The following HIP1 variants were observed in gnomAD, a reference collection of about 807,000 sequenced individuals.
HIP1 encodes huntingtin-interacting protein 1.
A neutral mutation model predicts 147.6 loss-of-function variants in HIP1; 65 were observed. The ratio of observed to expected loss-of-function variants is 0.44; its 90% CI spans 0.36 to 0.54. HIP1 has a LOEUF of 0.54. Among genes scored for constraint, HIP1 ranks in the 20% least tolerant of loss-of-function variants. The pLI, the probability that HIP1 is intolerant of heterozygous loss-of-function variation, is 0.00. For synonymous variants in HIP1, 479 were observed against 504.0 expected (o/e 0.95, Z 0.67); for missense variants, 1,061 against 1,299.6 (o/e 0.82, Z 2.82).
At chr7:75,657,854 C>T (rs548830275) in intron 1 of HIP1, among the ~76,000 whole-genome samples, 14 of 151,988 alleles carry the variant, frequency 9.2e-5, no homozygotes, top group South Asian at 8.3e-4. Flanking sequence ...TATATCCATG[C>T]GACAAACCTG....
chr7:75,706,075 A>T (rs1484595938), intron 1 of HIP1, among the ~76,000 whole-genome samples: 1 of 151,910 alleles, frequency 6.6e-6, no homozygotes, highest in Non-Finnish European at 1.5e-5. Flanking sequence ...TTGTATTTTT[A>T]GTAGAGATGG....
intron 6 of HIP1, 68 bp from the exon 7 acceptor site, chr7:75,581,366 C>T: frequency 1.8e-6 from 2 of 1,131,174 alleles, no homozygotes; most frequent in Non-Finnish European, 2.7e-6. Context: ...GTCCCCTCCC[C>T]CACGCTCTAC....
At chr7:75,565,355 G>C (rs1795365328) in intron 9 of HIP1, among the ~76,000 whole-genome samples, 1 of 152,192 alleles carries the variant, frequency 6.6e-6, no homozygotes, top group South Asian at 2.1e-4. Context: ...TGCTGGTTTG[G>C]AGCCAACAGT....
rs983015279 is a variant in HIP1, at chr7:75,638,958, A to G, written c.121-39711T>C. 12 of 434,708 alleles carry G rather than the reference A, an allele frequency of 2.8e-5. No individual in the cohort carries two copies. In the Admixed American group the frequency reaches 5.3e-4, roughly 19 times the overall value. The allele number at this position is 434,708 out of a possible 1,614,324, so 26.9% of individuals were successfully genotyped here. A position where few individuals can be genotyped will look rare whatever the true frequency, so the allele number is the denominator to read the frequency against. The stretch of plus-strand genomic sequence containing the variant: ...AGGATCAACAATCCAGAAACTTTCA[A>G]TGGATCGCGCCGGCTAGGAGGGGGA... On this transcript the variant is annotated intron_variant, in intron 1 of 30. Coordinates refer to ENST00000336926, the MANE Select transcript of HIP1 (RefSeq NM_005338.7).
At chr7:75,581,385 A>T in intron 6 of HIP1, 87 bp from the exon 7 acceptor site, 2 of 921,776 alleles carry the variant, frequency 2.2e-6, no homozygotes, top group South Asian at 1.4e-5. Context: ...ACGCTACTCC[A>T]GTCTCCAATG....
At chr7:75,588,074 G>A (rs56071227) in intron 4 of HIP1, among the ~76,000 whole-genome samples, 19,779 of 152,236 alleles carry the variant, frequency 0.13, 1,603 homozygotes, top group Middle Eastern at 0.24. Flanking sequence ...CACTGAGGAA[G>A]TCCTCCCTAA....
intron 1 of HIP1, among the ~76,000 whole-genome samples, chr7:75,713,557 G>A (rs1801221296): frequency 6.6e-6 from 1 of 152,138 alleles, no homozygotes; most frequent in Admixed American, 6.6e-5. Context: ...TGCAACGCGG[G>A]CTATTCCAGC....
intron 1 of HIP1, among the ~76,000 whole-genome samples, chr7:75,713,104 G>A (rs1054429489): frequency 2.0e-5 from 3 of 152,226 alleles, no homozygotes; most frequent in African/African-American, 7.2e-5. Context: ...ACACAAACCA[G>A]GGCCATCCCT....
In HIP1 at chr7:75,554,429, G is replaced by A. The variant is rs1554492770; in HGVS notation, c.2050+11C>T. 1 of 1,607,542 alleles carries A rather than the reference G, an allele frequency of 6.2e-7. No individual in the cohort carries two copies. Among genetic ancestry groups the A allele is most frequent in the South Asian group, 1.1e-5 (1 of 90,906 alleles). On this transcript the variant is annotated intron_variant, in intron 20 of 30. Transcript: ENST00000336926. ...CACTAGCCGACAGAGACTGTCCTTG[G>A]CCATTCTTACCTTCTGGGCAGGCCA... is the stretch of plus-strand genomic sequence containing the variant.
chr7:75,655,398 G>C (rs150251181), intron 1 of HIP1, among the ~76,000 whole-genome samples: 1 of 151,900 alleles, frequency 6.6e-6, no homozygotes, highest in Non-Finnish European at 1.5e-5. Context: ...GGCCAACATG[G>C]TAAAATCCTG....
chr7:75,669,896 G>T (rs1799683248), intron 1 of HIP1, among the ~76,000 whole-genome samples: 2 of 152,092 alleles, frequency 1.3e-5, no homozygotes, highest in Admixed American at 1.3e-4. Flanking sequence ...CCATCTCCTG[G>T]GTTCAAGTGA....
In HIP1 at chr7:75,533,676, C is replaced by G. The variant is rs587749508; in HGVS notation, c.*4496G>C. On this transcript the variant is annotated 3_prime_UTR_variant, in exon 31 of 31. Coordinates refer to ENST00000336926, the MANE Select transcript of HIP1 (RefSeq NM_005338.7). Reference sequence around the variant, plus strand: ...CAAACCTGAGGTAGTTGAGGGTCACCTGAAAGACATGTCTGGAAAAATCTA... The same window carrying G: ...CAAACCTGAGGTAGTTGAGGGTCACGTGAAAGACATGTCTGGAAAAATCTA... The G allele has an allele frequency of 1.3e-5, 3 of 232,722 alleles. No individual in the cohort carries two copies. The East Asian group carries it at 1.8e-4, about 14-fold the overall frequency. The allele number at this position is 232,722 out of a possible 1,614,324, so 14.4% of individuals were successfully genotyped here.
intron 1 of HIP1, among the ~76,000 whole-genome samples, chr7:75,613,947 C>G (rs1218265252): frequency 6.8e-6 from 1 of 147,162 alleles, no homozygotes; most frequent in Non-Finnish European, 1.5e-5. Context: ...CAGGGTCTCC[C>G]TCTGTTGCCC....
intron 1 of HIP1, among the ~76,000 whole-genome samples, chr7:75,640,878 G>A (rs1346622754): frequency 2.0e-5 from 3 of 152,114 alleles, no homozygotes; most frequent in Non-Finnish European, 4.4e-5. Flanking sequence ...CTGAGGAGAA[G>A]GCATCTCCTA....
intron 7 of HIP1, among the ~76,000 whole-genome samples, chr7:75,578,987 T>G (rs749541580): frequency 6.6e-6 from 1 of 151,840 alleles, no homozygotes; most frequent in Non-Finnish European, 1.5e-5. Context: ...GCCTGGCTAA[T>G]TTTTGTATTT....
Position 75,533,787 on chromosome 7 carries a change from T to C in HIP1, c.*4385A>G, listed in dbSNP as rs1793985604. On this transcript the variant is annotated 3_prime_UTR_variant, in exon 31 of 31. Coordinates refer to ENST00000336926, the MANE Select transcript of HIP1 (RefSeq NM_005338.7). ...CCACGGTGTGGTGCTGATCTTGTAT[T>C]TGGTCTGGACCTGGGAGAGGAAGGA... is the stretch of plus-strand genomic sequence containing the variant. The C allele has an allele frequency of 4.3e-6, 1 of 233,200 alleles. No homozygotes were observed. Among genetic ancestry groups the C allele is most frequent in the South Asian group, 1.8e-4 (1 of 5,524 alleles). 14.4% of individuals were successfully genotyped at this position (233,200 alleles called of 1,614,324 possible).
At position 75,538,199 on chromosome 7, in the gene HIP1, C is replaced by G; in HGVS notation, c.3087G>C (p.Leu1029=). 6.2e-7 allele frequency: 1 copy of G among 1,613,198 alleles called. No individual in the cohort carries two copies. Among genetic ancestry groups the G allele is most frequent in the Non-Finnish European group, 8.5e-7 (1 of 1,179,358 alleles). ...EEGTEASPPT[L]QEVVTEKE ...ATTCTTTTTCGGTTACCACTTCTTG[C>G]AGTGTAGGTGGAGATGCCTCTGTTC... Residue 1029 remains leucine (L), a synonymous_variant, in exon 31 of 31, where the codon CTG becomes CTC. Coordinates refer to ENST00000336926, the MANE Select transcript of HIP1 (RefSeq NM_005338.7).
intron 1 of HIP1, among the ~76,000 whole-genome samples, chr7:75,738,512 C>A (rs1802099095): frequency 6.6e-6 from 1 of 152,144 alleles, no homozygotes; most frequent in African/African-American, 2.4e-5. Context: ...CCCCTCTCAC[C>A]TCATCTTGGG....
chr7:75,699,839 G>A (rs1254368498), intron 1 of HIP1, among the ~76,000 whole-genome samples: 5 of 151,134 alleles, frequency 3.3e-5, no homozygotes, highest in African/African-American at 1.2e-4. Context: ...GTGCAGCCAC[G>A]GGAGCAGCAC....
Sources: allele counts gnomAD v4.1 joint callset (sites outside exome capture counted in the v4.1 genomes callset), GRCh38; gene constraint gnomAD v4.1.1; transcripts MANE v1.5; gene names NCBI Gene and HGNC (gene_info 2026-07-23, HGNC 2026-07-21).